Variants in MARK3 observed in about 807,000 individuals in gnomAD.
MARK3 encodes the protein microtubule affinity regulating kinase 3.
A neutral mutation model predicts 90.1 loss-of-function variants in MARK3; 46 were observed. The ratio of observed to expected loss-of-function variants is 0.51; its 90% CI spans 0.40 to 0.65. The LOEUF is 0.65. Among genes scored for constraint, MARK3 ranks in the 30% least tolerant of loss-of-function variants. The pLI is 0.00. For synonymous variants in MARK3, 321 were observed against 332.6 expected (o/e 0.97, Z 0.38); for missense variants, 818 against 947.2 (o/e 0.86, Z 1.79).
At chr14:103,435,627 C>G (rs1310321206) in intron 3 of MARK3, among the ~76,000 whole-genome samples, 2 of 152,086 alleles carry the variant, frequency 1.3e-5, no homozygotes, top group South Asian at 2.1e-4. Flanking sequence ...CCAGGATGGT[C>G]TCAATCTCCT....
chr14:103,420,099 A>G (rs184526829), intron 2 of MARK3, among the ~76,000 whole-genome samples: 2 of 152,342 alleles, frequency 1.3e-5, no homozygotes, highest in Admixed American at 6.5e-5. Context: ...CATATGTTAT[A>G]TAACTAAAAA....
chr14:103,405,210 C>T lies in MARK3; in HGVS notation c.186C>T (p.Ile62=), dbSNP rs758161308. ...HIGNYRLLKT[I]GKGNFAKVKL... Reference sequence around the variant, plus strand: ...GAAACTACAGACTGTTGAAAACAATCGGCAAGGGGAATTTTGCAAAAGTAA... The same window carrying T: ...GAAACTACAGACTGTTGAAAACAATTGGCAAGGGGAATTTTGCAAAAGTAA... Residue 62 remains isoleucine, a synonymous_variant, in exon 2 of 18, where the codon ATC becomes ATT. Coordinates refer to ENST00000429436, the MANE Select transcript of MARK3 (RefSeq NM_001128918.3). The T allele has an allele frequency of 3.3e-5, 53 of 1,582,582 alleles. No individual in the cohort carries two copies. The highest frequency in any genetic ancestry group is 9.6e-5 in the Admixed American group (5 of 52,106).
intron 6 of MARK3, among the ~76,000 whole-genome samples, chr14:103,458,414 G>C (rs987494716): frequency 4.2e-5 from 5 of 120,310 alleles, no homozygotes; most frequent in Non-Finnish European, 8.0e-5. Context: ...AGCCAAGACC[G>C]TACCATTGCA....
At chr14:103,444,086 CTTT>C (rs10676381) in intron 3 of MARK3, among the ~76,000 whole-genome samples, 110 of 116,376 alleles carry the variant, frequency 9.5e-4, no homozygotes, top group Middle Eastern at 4.4e-3. Context: ...GTAAAATTGT[CTTT>C]TTTTTTTTTT....
At chr14:103,500,238 T>C in intron 17 of MARK3, 38 bp downstream of exon 17, 1 of 1,493,834 alleles carries the variant, frequency 6.7e-7, no homozygotes, top group South Asian at 1.2e-5. Flanking sequence ...TTTTTTCAGG[T>C]GTTTACTTCA....
intron 2 of MARK3, among the ~76,000 whole-genome samples, chr14:103,407,956 A>G (rs1430271756): frequency 1.3e-5 from 2 of 152,062 alleles, no homozygotes; most frequent in African/African-American, 2.4e-5. Context: ...CTGAGAAGTA[A>G]TCATTGACAA....
In MARK3 at chr14:103,468,020, C is replaced by G; in HGVS notation, c.1111-13C>G. The stretch of plus-strand genomic sequence containing the variant: ...GTGTTGTGGTTTGCTCTGTTTTTCT[C>G]ATTTTCTCTTAGCTGGATGCTAGTG... On this transcript the variant is annotated splice_polypyrimidine_tract_variant and intron_variant, in intron 11 of 17. Coordinates refer to ENST00000429436, the MANE Select transcript of MARK3 (RefSeq NM_001128918.3). 2 of 1,609,258 alleles carry G rather than the reference C, an allele frequency of 1.2e-6. No individual in the cohort carries two copies. Among genetic ancestry groups the G allele is most frequent in the East Asian group, 4.5e-5 (2 of 44,800 alleles).
chr14:103,502,914 A>G lies in MARK3; in HGVS notation c.1949A>G (p.Asn650Ser). The G allele has an allele frequency of 1.9e-6, 3 of 1,612,764 alleles. No individual in the cohort carries two copies. Among genetic ancestry groups the G allele is most frequent in the Non-Finnish European group, 2.5e-6 (3 of 1,178,884 alleles). The change falls in exon 18 of 18, where the codon AAC (asparagine) becomes AGC (serine). Residue 650 changes from asparagine to serine, a missense_variant. By Grantham distance (46) the Asn-to-Ser change is conservative. This residue lies in a region of MARK3 where 560 missense variants were observed against 613.5 expected (regional missense o/e 0.91). Coordinates refer to ENST00000429436, the MANE Select transcript of MARK3 (RefSeq NM_001128918.3). ...GTATCTGCTGAGCAAAAAGATGAAAACAAAGAAGCAAAGCCTCGATCCCTA... is the reference window on the plus strand; with the variant it reads ...GTATCTGCTGAGCAAAAAGATGAAAGCAAAGAAGCAAAGCCTCGATCCCTA... ...RNVSAEQKDE[N>S]KEAKPRSLRF...
At chr14:103,441,916 G>A (rs2092866955) in intron 3 of MARK3, among the ~76,000 whole-genome samples, 1 of 151,700 alleles carries the variant, frequency 6.6e-6, no homozygotes, top group Non-Finnish European at 1.5e-5. Flanking sequence ...TTAATGATAG[G>A]ACACCAAATG....
intron 2 of MARK3, among the ~76,000 whole-genome samples, chr14:103,416,727 G>A (rs2091959231): frequency 6.6e-6 from 1 of 152,034 alleles, no homozygotes; most frequent in Admixed American, 6.6e-5. Context: ...AGCCGAGATC[G>A]CACCACTGCA....
chr14:103,397,731 C>T (rs948844833), intron 1 of MARK3, among the ~76,000 whole-genome samples: 2 of 152,256 alleles, frequency 1.3e-5, no homozygotes, highest in Admixed American at 6.5e-5. Context: ...ACCTACTATA[C>T]CAGTAACAAT....
At chr14:103,470,453 C>CAATTTTTTTTTT (rs1299534465) in intron 12 of MARK3, among the ~76,000 whole-genome samples, 11 of 24,218 alleles carry the variant, frequency 4.5e-4, no homozygotes, top group Admixed American at 1.3e-3. Flanking sequence ...GGAACTAAAT[C>CAATTTTTTTTTT]TATTTTTTTT....
At chr14:103,486,506 T>G (rs1015391088) in intron 14 of MARK3, among the ~76,000 whole-genome samples, 44 of 152,146 alleles carry the variant, frequency 2.9e-4, no homozygotes, top group African/African-American at 1.0e-3. Context: ...TTAAAAAAAT[T>G]TTTTAATTAT....
At chr14:103,412,749 C>T in intron 2 of MARK3, 1 of 535,952 alleles carries the variant, frequency 1.9e-6, no homozygotes, top group South Asian at 1.6e-5. Flanking sequence ...TCGTGAGAGA[C>T]TTTGCTGCTT....
intron 12 of MARK3, among the ~76,000 whole-genome samples, chr14:103,470,636 A>G (rs2093610770): frequency 6.6e-6 from 1 of 150,776 alleles, no homozygotes; most frequent in Admixed American, 6.6e-5. Flanking sequence ...TTTTATTTTT[A>G]GTAGAGACGG....
intron 6 of MARK3, among the ~76,000 whole-genome samples, chr14:103,458,520 G>T (rs2093328817): frequency 6.9e-6 from 1 of 144,788 alleles, no homozygotes; most frequent in Non-Finnish European, 1.5e-5. Flanking sequence ...ACGTGACTGT[G>T]TTCCAACAAA....
chr14:103,451,935 A>G lies in MARK3; in HGVS notation c.364A>G (p.Ile122Val). 1 of 1,612,414 alleles carries G rather than the reference A, an allele frequency of 6.2e-7. No homozygotes were observed. Among genetic ancestry groups the G allele is most frequent in the Non-Finnish European group, 8.5e-7 (1 of 1,179,078 alleles). Residue 122 changes from isoleucine to valine, a missense_variant, in exon 5 of 18, where the codon ATT becomes GTT. Around this residue, in one of 3 missense-constraint regions of MARK3, gnomAD observed 157 missense variants for 158.7 expected, o/e 0.99. Coordinates refer to ENST00000429436, the MANE Select transcript of MARK3 (RefSeq NM_001128918.3). Reference sequence around the variant, plus strand: ...TCCCGCAGTGAAGTTATTCGAAGTCATTGAAACTGAAAAAACACTCTACCT... The same window carrying G: ...TCCCGCAGTGAAGTTATTCGAAGTCGTTGAAACTGAAAAAACACTCTACCT... ...HPNIVKLFEV[I>V]ETEKTLYLIM... is the part of the protein sequence containing the mutation.
intron 15 of MARK3, among the ~76,000 whole-genome samples, chr14:103,494,299 C>T (rs2075200116): frequency 6.8e-6 from 1 of 148,084 alleles, no homozygotes; most frequent in African/African-American, 2.5e-5. Flanking sequence ...CGCCTGTAAT[C>T]CCAGCACTTT....
chr14:103,461,072 A>T (rs1414479369), intron 6 of MARK3, among the ~76,000 whole-genome samples: 1 of 152,242 alleles, frequency 6.6e-6, no homozygotes, highest in Admixed American at 6.5e-5. Flanking sequence ...CCAAAATATT[A>T]TACAGCCCTC....
Sources: gnomAD v4.1 joint callset for allele counts (sites outside exome capture counted in the v4.1 genomes callset) on GRCh38, gnomAD v4.1.1 for gene constraint, gnomAD v4.1.1 regional missense constraint, MANE v1.5 for transcripts, NCBI Gene and HGNC (gene_info 2026-07-23, HGNC 2026-07-21) for gene names.